NCALD: variants seen among roughly 807,000 people sequenced by gnomAD.
NCALD encodes the protein neurocalcin delta.
NCALD carries 10 observed loss-of-function variants against 18.6 expected under a neutral mutation model. That is an observed-to-expected ratio of 0.54 (90% CI 0.33 to 0.91). The LOEUF is 0.91. Among genes scored for constraint, NCALD ranks in the 40% least tolerant of loss-of-function variants. NCALD has a pLI of 0.03. For missense variants in NCALD, 184 were observed against 247.6 expected (o/e 0.74, Z 1.72); for synonymous variants, 88 against 87.4 (o/e 1.01, Z -0.04).
At chr8:101,812,112 G>A (rs903446981) in intron 4 of NCALD, among the ~76,000 whole-genome samples, 5 of 152,084 alleles carry the variant, frequency 3.3e-5, no homozygotes, top group African/African-American at 1.2e-4. Flanking sequence ...TCTTATCTGT[G>A]GAAAATGACA....
chr8:101,690,076 T>C (rs947607631), intron 3 of NCALD, among the ~76,000 whole-genome samples: 2 of 152,074 alleles, frequency 1.3e-5, no homozygotes, highest in Non-Finnish European at 2.9e-5. Flanking sequence ...TACCCTGATG[T>C]GCTGGAGGAG....
chr8:101,858,290 T>G (rs1815401402), intron 4 of NCALD, among the ~76,000 whole-genome samples: 1 of 152,108 alleles, frequency 6.6e-6, no homozygotes, highest in Non-Finnish European at 1.5e-5. Context: ...AAATTAACCA[T>G]CTGCAGCGAT....
intron 4 of NCALD, among the ~76,000 whole-genome samples, chr8:101,864,313 C>T (rs1222383727): frequency 6.6e-6 from 1 of 152,160 alleles, no homozygotes; most frequent in East Asian, 1.9e-4. Context: ...CAACCAACAA[C>T]AAAGCAGGAC....
intron 4 of NCALD, among the ~76,000 whole-genome samples, chr8:101,840,423 A>AGGCTT (rs1464819718): frequency 0.013 from 1,952 of 152,316 alleles, 16 homozygotes; most frequent in African/African-American, 0.014. Context: ...TGAAAAACAG[A>AGGCTT]AAATGCTTTG....
chr8:102,009,273 T>C (rs2132059029), intron 2 of NCALD, among the ~76,000 whole-genome samples: 1 of 152,360 alleles, frequency 6.6e-6, no homozygotes, highest in South Asian at 2.1e-4. Flanking sequence ...AATAAGATTG[T>C]ATAAAAAGCA....
intron 4 of NCALD, among the ~76,000 whole-genome samples, chr8:101,865,011 T>A (rs1347337821): frequency 6.6e-6 from 1 of 152,194 alleles, no homozygotes; most frequent in Non-Finnish European, 1.5e-5. Context: ...GATATTTTCA[T>A]TATAATAAGT....
At chr8:102,123,319 TAAG>T (rs1825996816) in intron 1 of NCALD, among the ~76,000 whole-genome samples, 1 of 152,108 alleles carries the variant, frequency 6.6e-6, no homozygotes, top group Admixed American at 6.5e-5. Context: ...GGCTAGCGTG[TAAG>T]CACAGCAGCA....
chr8:101,842,581 G>A (rs1472485904), intron 4 of NCALD, among the ~76,000 whole-genome samples: 1 of 152,204 alleles, frequency 6.6e-6, no homozygotes, highest in Non-Finnish European at 1.5e-5. Context: ...TTGCCTCATG[G>A]TCACAAGATG....
intron 1 of NCALD, among the ~76,000 whole-genome samples, chr8:102,084,508 A>G (rs1409411280): frequency 6.6e-6 from 1 of 152,196 alleles, no homozygotes; most frequent in Non-Finnish European, 1.5e-5. Context: ...GGAGTTTTAT[A>G]TGCTGGCATG....
At chr8:101,863,764 T>C (rs891435917) in intron 4 of NCALD, among the ~76,000 whole-genome samples, 2 of 152,054 alleles carry the variant, frequency 1.3e-5, no homozygotes, top group African/African-American at 2.4e-5. Flanking sequence ...GACAAAGGGG[T>C]AGAGGAAGGG....
chr8:101,964,858 A>C (rs951735589), intron 2 of NCALD, among the ~76,000 whole-genome samples: 2 of 152,190 alleles, frequency 1.3e-5, no homozygotes, highest in Non-Finnish European at 2.9e-5. Flanking sequence ...TTTGGTACAG[A>C]ATGGGAAACA....
At chr8:101,716,780 C>G (rs1179309190) in intron 2 of NCALD, among the ~76,000 whole-genome samples, 1 of 152,164 alleles carries the variant, frequency 6.6e-6, no homozygotes, top group Admixed American at 6.6e-5. Flanking sequence ...CTAAATTATT[C>G]ACATGGTCCC....
At chr8:101,761,405 A>G (rs1299275778) in intron 1 of NCALD, among the ~76,000 whole-genome samples, 1 of 152,198 alleles carries the variant, frequency 6.6e-6, no homozygotes, top group Non-Finnish European at 1.5e-5. Context: ...GAGCATGGGG[A>G]GAACCCACTT....
intron 2 of NCALD, among the ~76,000 whole-genome samples, chr8:101,708,013 T>G (rs1462628635): frequency 1.3e-5 from 2 of 152,192 alleles, no homozygotes; most frequent in Non-Finnish European, 2.9e-5. Flanking sequence ...GTCTTTAAAG[T>G]CAGAGCCCTA....
rs753874519 is a variant in NCALD at position 101,967,755 on chromosome 8, C to T, written c.-156-51897G>A. Among the ~76,000 whole-genome samples, 12 of 152,214 alleles carry T rather than the reference C, an allele frequency of 7.9e-5. No individual in the cohort carries two copies. The South Asian group carries it at 1.2e-3, about 16-fold the overall frequency. On this transcript the variant is annotated intron_variant, in intron 2 of 6. Coordinates refer to the NCALD transcript ENST00000311028. ...GCAGAGGGTGAGGATTCTTCTCTCC[C>T]GGCCTCACTCTCTTGGACTCTCTAC...
intron 4 of NCALD, among the ~76,000 whole-genome samples, chr8:101,838,858 G>A (rs756876629): frequency 5.3e-4 from 81 of 152,344 alleles, no homozygotes; most frequent in Admixed American, 9.2e-4. Flanking sequence ...TGTTCACAAT[G>A]ATATTCTTGA....
At chr8:102,078,398 A>C (rs1824417962) in intron 1 of NCALD, among the ~76,000 whole-genome samples, 1 of 152,198 alleles carries the variant, frequency 6.6e-6, no homozygotes, top group Non-Finnish European at 1.5e-5. Context: ...ATCTTTTAAA[A>C]ATGTGAATCA....
At chr8:101,951,711 C>T (rs995584) in intron 2 of NCALD, among the ~76,000 whole-genome samples, 82,306 of 152,054 alleles carry the variant, frequency 0.54, 22,393 homozygotes, top group South Asian at 0.61. Flanking sequence ...TTAAGTCATT[C>T]AACCCCCTTA....
chr8:102,005,533 A>G (rs947163648), intron 2 of NCALD, among the ~76,000 whole-genome samples: 3 of 152,198 alleles, frequency 2.0e-5, no homozygotes, highest in African/African-American at 7.2e-5. Context: ...CTGGGTATAT[A>G]CCCAAAGGAT....
Sources: allele counts gnomAD v4.1 joint callset (sites outside exome capture counted in the v4.1 genomes callset), GRCh38; gene constraint gnomAD v4.1.1; transcripts MANE v1.5; gene names NCBI Gene and HGNC (gene_info 2026-07-23, HGNC 2026-07-21).